The following WWOX variants were observed in gnomAD, a reference collection of about 807,000 sequenced individuals.
WWOX encodes WW domain-containing oxidoreductase.
WWOX carries 69 observed loss-of-function variants against 46.2 expected under a neutral mutation model. The ratio of observed to expected loss-of-function variants is 1.49; its 90% confidence interval spans 1.23 to 1.82. The LOEUF (loss-of-function observed/expected upper bound fraction) is 1.82, where lower values mean the gene tolerates loss of function less well. Among genes scored for constraint, WWOX ranks in the 40% most tolerant of loss-of-function variants. The pLI is 0.00. For synonymous variants in WWOX, 359 were observed against 202.6 expected, an observed-to-expected ratio of 1.77 and a Z score of -6.56; for missense variants, 919 against 542.6, an observed-to-expected ratio of 1.69 and a Z score of -6.89.
intron 8 of WWOX, among the ~76,000 whole-genome samples, chr16:78,983,521 G>T (rs1481230140): frequency 1.3e-5 from 2 of 152,110 alleles, no homozygotes; most frequent in African/African-American, 4.8e-5. Context: ...GAAGAAATGG[G>T]GTACGTTAAG....
At chr16:78,449,081 C>T (rs74030268) in intron 8 of WWOX, among the ~76,000 whole-genome samples, 2,403 of 152,228 alleles carry the variant, frequency 0.016, 63 homozygotes, top group African/African-American at 0.055. Context: ...AATCTCAAGA[C>T]TCAGCAGGGA....
At chr16:78,864,885 C>G (rs377255685) in intron 8 of WWOX, among the ~76,000 whole-genome samples, 1 of 151,244 alleles carries the variant, frequency 6.6e-6, no homozygotes, top group East Asian at 2.0e-4. Context: ...GCTTCAGCCC[C>G]CCGAGTAGCT....
At chr16:78,520,272 A>T (rs1263257594) in intron 8 of WWOX, among the ~76,000 whole-genome samples, 1 of 152,228 alleles carries the variant, frequency 6.6e-6, no homozygotes, top group African/African-American at 2.4e-5. Flanking sequence ...CAAAGTCTTG[A>T]TAGAAACACT....
chr16:79,053,630 C>A (rs886572175), intron 8 of WWOX, among the ~76,000 whole-genome samples: 1 of 152,118 alleles, frequency 6.6e-6, no homozygotes, highest in Non-Finnish European at 1.5e-5. Flanking sequence ...ACTTTAATTT[C>A]TTTAATGTTT....
rs538427640 is a variant in WWOX, at chr16:79,028,066, T to A, written c.1057-183542T>A. On this transcript the variant is annotated intron_variant, in intron 8 of 8. Transcript: ENST00000566780. Reference sequence around the variant, plus strand: ...TCCTGGGTTCACGCCATTCTCCTGCTCTGCCTCCCGAGTAGCTGAGACTAC... The same window carrying A: ...TCCTGGGTTCACGCCATTCTCCTGCACTGCCTCCCGAGTAGCTGAGACTAC... Among the ~76,000 whole-genome samples, 3 of 151,896 alleles carry A rather than the reference T, an allele frequency of 2.0e-5. No homozygotes were observed. The East Asian group carries it at 5.8e-4, about 29-fold the overall frequency.
At chr16:78,901,048 G>T (rs538975988) in intron 8 of WWOX, among the ~76,000 whole-genome samples, 2 of 152,136 alleles carry the variant, frequency 1.3e-5, no homozygotes, top group Non-Finnish European at 2.9e-5. Flanking sequence ...TCTCTTTTCA[G>T]ACCCAACCCT....
At chr16:78,478,173 G>C (rs1279661752) in intron 8 of WWOX, among the ~76,000 whole-genome samples, 1 of 152,094 alleles carries the variant, frequency 6.6e-6, no homozygotes, top group Non-Finnish European at 1.5e-5. Context: ...CAATTTTGAG[G>C]TTGTATACAA....
At chr16:78,866,422 C>G (rs185395718) in intron 8 of WWOX, among the ~76,000 whole-genome samples, 40 of 145,636 alleles carry the variant, frequency 2.7e-4, no homozygotes, top group African/African-American at 9.7e-4. Context: ...TGAGACTGAT[C>G]AAGACATCCC....
At chr16:78,619,763 A>G (rs1053981048) in intron 8 of WWOX, among the ~76,000 whole-genome samples, 3 of 151,946 alleles carry the variant, frequency 2.0e-5, no homozygotes, top group Non-Finnish European at 4.4e-5. Context: ...CAACAAAAAA[A>G]TGAGACATGG....
intron 8 of WWOX, among the ~76,000 whole-genome samples, chr16:78,499,127 C>T (rs1005682497): frequency 6.6e-6 from 1 of 152,044 alleles, no homozygotes; most frequent in Admixed American, 6.5e-5. Context: ...GTATGAAAAC[C>T]ATGTGGGCCC....
intron 4 of WWOX, chr16:78,124,273 A>G (rs1382105789): frequency 6.6e-6 from 1 of 152,122 alleles, no homozygotes; most frequent in East Asian, 1.9e-4. Flanking sequence ...CAGAGTAAAG[A>G]TATTTTGGTT....
chr16:78,914,025 G>A (rs2045181205), intron 8 of WWOX, among the ~76,000 whole-genome samples: 1 of 152,090 alleles, frequency 6.6e-6, no homozygotes, highest in East Asian at 1.9e-4. Context: ...TCCATCTGAG[G>A]ATCATCAGAG....
chr16:78,221,494 A>G (rs1274924751), intron 5 of WWOX, among the ~76,000 whole-genome samples: 1 of 152,226 alleles, frequency 6.6e-6, no homozygotes, highest in African/African-American at 2.4e-5. Context: ...GGGTAGAGAC[A>G]TGGATATTTT....
chr16:78,849,986 A>G (rs558577213), intron 8 of WWOX, among the ~76,000 whole-genome samples: 79 of 152,084 alleles, frequency 5.2e-4, no homozygotes, highest in African/African-American at 1.8e-3. Flanking sequence ...GCAGGAGAAT[A>G]GCTTGAACCT....
chr16:78,776,928 G>C (rs1019362416), intron 8 of WWOX, among the ~76,000 whole-genome samples: 1 of 152,092 alleles, frequency 6.6e-6, no homozygotes, highest in African/African-American at 2.4e-5. Flanking sequence ...TAACATGTGG[G>C]GATTACAGCT....
chr16:79,178,442 G>T (rs191345630), intron 8 of WWOX, among the ~76,000 whole-genome samples: 2 of 151,996 alleles, frequency 1.3e-5, no homozygotes, highest in Non-Finnish European at 2.9e-5. Flanking sequence ...TTAGCCACCC[G>T]AGTAGCTGGA....
At chr16:78,862,278 G>A (rs1014378550) in intron 8 of WWOX, among the ~76,000 whole-genome samples, 3 of 151,062 alleles carry the variant, frequency 2.0e-5, no homozygotes, top group Non-Finnish European at 3.0e-5. Context: ...ACACACCTAT[G>A]GGTGTGTCTT....
chr16:79,151,738 G>A (rs1297771671), intron 8 of WWOX, among the ~76,000 whole-genome samples: 1 of 152,142 alleles, frequency 6.6e-6, no homozygotes, highest in African/African-American at 2.4e-5. Context: ...GGCCTGCCAG[G>A]GTGCCTGACA....
chr16:79,023,798 A>AAT (rs1341089839), intron 8 of WWOX, among the ~76,000 whole-genome samples: 1 of 150,550 alleles, frequency 6.6e-6, no homozygotes, highest in Non-Finnish European at 1.5e-5. Flanking sequence ...AATACAAAAA[A>AAT]AAAAAAAATT....
Sources: gnomAD v4.1 joint callset for allele counts (sites outside exome capture counted in the v4.1 genomes callset) on GRCh38, gnomAD v4.1.1 for gene constraint, MANE v1.5 for transcripts, NCBI Gene and HGNC (gene_info 2026-07-23, HGNC 2026-07-21) for gene names.